Variants in SEC24B observed in about 807,000 individuals in gnomAD.
SEC24B encodes the protein protein transport protein Sec24B.
In SEC24B, 45 loss-of-function variants were observed where a neutral mutation model predicts 142.8. The ratio of observed to expected loss-of-function variants is 0.32; its 90% CI spans 0.25 to 0.40. The LOEUF is 0.40. Ranked by LOEUF, SEC24B falls within the 10% of genes least tolerant of loss-of-function variation. SEC24B has a pLI of 1.00. For synonymous variants in SEC24B, 574 were observed against 568.2 expected (o/e 1.01, Z -0.15); for missense variants, 1,409 against 1,526.8 (o/e 0.92, Z 1.29).
intron 1 of SEC24B, among the ~76,000 whole-genome samples, chr4:109,448,150 G>A (rs1245017120): frequency 1.3e-5 from 2 of 152,144 alleles, no homozygotes; most frequent in African/African-American, 4.8e-5. Flanking sequence ...AATACCATGT[G>A]CAACCTTAAT....
chr4:109,517,792 T>A (rs992770497), intron 11 of SEC24B, among the ~76,000 whole-genome samples: 6 of 152,080 alleles, frequency 3.9e-5, no homozygotes, highest in Non-Finnish European at 7.4e-5. Context: ...ATGAGAGAAA[T>A]CTGGCTGTAA....
At chr4:109,461,920 G>A (rs1731295841) in intron 1 of SEC24B, among the ~76,000 whole-genome samples, 1 of 152,162 alleles carries the variant, frequency 6.6e-6, no homozygotes, top group African/African-American at 2.4e-5. Context: ...ACCAGCCTGG[G>A]CACACAGTGA....
At chr4:109,536,831 AT>A (rs887811406) in intron 22 of SEC24B, among the ~76,000 whole-genome samples, 370 of 145,082 alleles carry the variant, frequency 2.6e-3, no homozygotes, top group African/African-American at 2.5e-3. Flanking sequence ...GCCTGGCCAA[AT>A]TTTTTTTTTT....
At chr4:109,467,200 C>T (rs1468857979) in intron 2 of SEC24B, among the ~76,000 whole-genome samples, 2 of 151,256 alleles carry the variant, frequency 1.3e-5, no homozygotes, top group Non-Finnish European at 2.9e-5. Flanking sequence ...GTAGCGGGCG[C>T]CTGTAGTCCC....
In SEC24B at chr4:109,463,406, A is replaced by AAC; in HGVS notation, c.639_640insAC (p.Gln214ThrfsTer48). ...ATACATATGGGCAAATGTTTACCTC[A>AAC]CAGAATGCTCCGACTGTTAGGCCAG... On this transcript the variant is annotated frameshift_variant, in exon 2 of 24. Transcript: ENST00000265175. LOFTEE classifies it high-confidence loss of function. The AAC allele has an allele frequency of 3.7e-6, 6 of 1,614,134 alleles. No homozygotes were observed. In the South Asian group the frequency reaches 5.5e-5, roughly 15 times the overall value.
chr4:109,447,971 C>T (rs1338135898), intron 1 of SEC24B, among the ~76,000 whole-genome samples: 2 of 152,184 alleles, frequency 1.3e-5, no homozygotes, highest in East Asian at 1.9e-4. Context: ...CCCACTTTCT[C>T]CATGTTCAAA....
In SEC24B at chr4:109,463,027, G is replaced by A; in HGVS notation, c.260G>A (p.Cys87Tyr). The change falls in exon 2 of 24, where the codon TGT becomes TAT. Residue 87 changes from cysteine to tyrosine, a missense_variant. Transcript: ENST00000265175. ...KMTSLPLDTQCGDYYSALYTV... is the reference protein window; with the variant it reads ...KMTSLPLDTQYGDYYSALYTV... Reference sequence around the variant, plus strand: ...ACCTCATTGCCATTGGATACCCAGTGTGGTGATTACTACTCTGCTCTCTAT... The same window carrying A: ...ACCTCATTGCCATTGGATACCCAGTATGGTGATTACTACTCTGCTCTCTAT... The A allele has an allele frequency of 3.7e-6, 6 of 1,614,166 alleles. No homozygotes were observed. Among genetic ancestry groups the A allele is most frequent in the Non-Finnish European group, 4.2e-6 (5 of 1,180,022 alleles).
intron 15 of SEC24B, 110 bp downstream of exon 15, chr4:109,525,051 C>A: frequency 1.0e-6 from 1 of 970,658 alleles, no homozygotes; most frequent in Non-Finnish European, 1.5e-6. Context: ...AAAGCATGTG[C>A]ATTAGATAGA....
In SEC24B at chr4:109,433,822, C is replaced by T. The variant is rs1306923533; in HGVS notation, c.-48C>T. The T allele has an allele frequency of 6.5e-5, 80 of 1,234,700 alleles. No homozygotes were observed. Among genetic ancestry groups the T allele is most frequent in the Non-Finnish European group, 7.9e-5 (78 of 986,182 alleles). The allele number at this position is 1,234,700 out of a possible 1,614,324, so 76.5% of individuals were successfully genotyped here. ...CCTCTCCGGCCCCGCCTTCCCTTCCCTCCGCCCACCTCCCTGAAGCGGAGC... is the reference window on the plus strand; with the variant it reads ...CCTCTCCGGCCCCGCCTTCCCTTCCTTCCGCCCACCTCCCTGAAGCGGAGC... On this transcript the variant is annotated 5_prime_UTR_variant, in exon 1 of 24. Transcript: ENST00000265175.
intron 1 of SEC24B, among the ~76,000 whole-genome samples, chr4:109,439,474 A>ATTTTTTTT (rs70949077): frequency 9.1e-5 from 4 of 43,996 alleles, no homozygotes; most frequent in African/African-American, 9.5e-5. Flanking sequence ...TCCTAAGCTG[A>ATTTTTTTT]TTTTTTTTTT....
In SEC24B at chr4:109,509,920, T is replaced by C. The variant is rs1431192838; in HGVS notation, c.1674-89T>C. 6 of 717,022 alleles carry C rather than the reference T, an allele frequency of 8.4e-6. No homozygotes were observed. In the African/African-American group the frequency reaches 1.1e-4, roughly 13 times the overall value. The allele number at this position is 717,022 out of a possible 1,614,324, so 44.4% of individuals were successfully genotyped here. A position where few individuals can be genotyped will look rare whatever the true frequency, so the allele number is the denominator to read the frequency against. On this transcript the variant is annotated intron_variant, in intron 7 of 23. Coordinates refer to ENST00000265175, the MANE Select transcript of SEC24B (RefSeq NM_006323.5). ...AACATGCCCAAATGATTTTCACTTA[T>C]GTCCTTAAATGTTCTTAGTTATCTT...
rs373002776 is a variant in SEC24B at position 109,454,628 on chromosome 4, C to T, written c.134-8273C>T. Among the ~76,000 whole-genome samples, 444 of 152,264 alleles carry T rather than the reference C, an allele frequency of 2.9e-3. 1 individual carries two copies. Among genetic ancestry groups the T allele is most frequent in the African/African-American group, 0.01 (420 of 41,564 alleles). ...GAAGCAAAAGTTTTTCTCTGACTTT[C>T]TGTTGCCTGCCTGTCTCTCAGTCCC... On this transcript the variant is annotated intron_variant, in intron 1 of 23. Coordinates refer to ENST00000265175, the MANE Select transcript of SEC24B (RefSeq NM_006323.5).
At chr4:109,524,480 T>C (rs968714417) in intron 14 of SEC24B, among the ~76,000 whole-genome samples, 3 of 152,192 alleles carry the variant, frequency 2.0e-5, no homozygotes, top group Non-Finnish European at 4.4e-5. Context: ...ATTTCTTGGG[T>C]TGATATTCCA....
intron 4 of SEC24B, among the ~76,000 whole-genome samples, chr4:109,482,020 G>A (rs563667933): frequency 2.1e-4 from 32 of 152,312 alleles, no homozygotes; most frequent in African/African-American, 7.7e-4. Context: ...CATGACAGTA[G>A]AGTGCATTCT....
chr4:109,531,634 C>CAAA (rs1293911841), intron 20 of SEC24B, 112 bp downstream of exon 20: 2 of 756,810 alleles, frequency 2.6e-6, no homozygotes, highest in Non-Finnish European at 4.2e-6. Flanking sequence ...AACTCTTTTT[C>CAAA]CCCCTTGTGG....
intron 7 of SEC24B, among the ~76,000 whole-genome samples, chr4:109,507,727 T>A (rs914058189): frequency 1.3e-5 from 2 of 150,990 alleles, no homozygotes; most frequent in Non-Finnish European, 1.5e-5. Flanking sequence ...CTCACCGCAA[T>A]CTCCGCCTCC....
intron 4 of SEC24B, among the ~76,000 whole-genome samples, chr4:109,482,936 C>CTATA (rs775978447): frequency 1.1e-3 from 38 of 34,600 alleles, no homozygotes; most frequent in Non-Finnish European, 1.4e-3. Context: ...CAGGCTTGTA[C>CTATA]TATATATATA....
intron 4 of SEC24B, among the ~76,000 whole-genome samples, chr4:109,485,053 A>T (rs544042737): frequency 3.9e-5 from 6 of 152,202 alleles, no homozygotes; most frequent in African/African-American, 1.4e-4. Flanking sequence ...TTTTTGTGTC[A>T]GTTTTTCTAG....
chr4:109,510,152 A>G, intron 8 of SEC24B, 41 bp downstream of exon 8: 1 of 1,057,044 alleles, frequency 9.5e-7, no homozygotes. Context: ...ACTGACATGT[A>G]TGCTTATGTA....
Sources: gnomAD v4.1 joint callset for allele counts (sites outside exome capture counted in the v4.1 genomes callset) on GRCh38, gnomAD v4.1.1 for gene constraint, MANE v1.5 for transcripts, NCBI Gene and HGNC (gene_info 2026-07-23, HGNC 2026-07-21) for gene names.